Variants in TNS3 observed in about 807,000 individuals in gnomAD.
TNS3 encodes tensin 3.
Under a neutral mutation model 140.9 loss-of-function variants are expected in TNS3, and 45 were observed. The ratio of observed to expected loss-of-function variants is 0.32; its 90% CI spans 0.25 to 0.41. TNS3 has a LOEUF of 0.41. Among genes scored for constraint, TNS3 ranks in the 10% least tolerant of loss-of-function variants. The pLI, the probability that TNS3 is intolerant of heterozygous loss-of-function variation, is 1.00. For synonymous variants in TNS3, 815 were observed against 788.4 expected, an observed-to-expected ratio of 1.03 and a Z score of -0.56; for missense variants, 1,716 against 1,906.7, an observed-to-expected ratio of 0.90 and a Z score of 1.86.
intron 1 of TNS3, among the ~76,000 whole-genome samples, chr7:47,576,626 C>A (rs1030738817): frequency 6.6e-6 from 1 of 152,190 alleles, no homozygotes; most frequent in African/African-American, 2.4e-5. Context: ...GCCAGCCCGG[C>A]GCTCCAGGGA....
intron 3 of TNS3, among the ~76,000 whole-genome samples, chr7:47,483,583 C>T (rs1323083306): frequency 6.6e-6 from 1 of 152,218 alleles, no homozygotes; most frequent in Admixed American, 6.5e-5. Context: ...AAAGAAAAGC[C>T]TTGTGCAATG....
chr7:47,528,910 C>T (rs1415837839), intron 2 of TNS3, 126 bp downstream of exon 2: 5 of 436,698 alleles, frequency 1.1e-5, no homozygotes, highest in Non-Finnish European at 1.9e-5. Flanking sequence ...GGTTGGGGGA[C>T]ATATAAACTA....
In TNS3 at chr7:47,302,208, C is replaced by T. The variant is rs779371952; in HGVS notation, c.3522G>A (p.Lys1174=). The stretch of plus-strand genomic sequence containing the variant: ...TACCTTGTTCTCTTGAAATATCCGC[C>T]TTGTACCAGAACTTGGAAGTGTCTT... The part of the protein sequence containing the change: ...FVQDTSKFWY[K]ADISREQAIA... The change falls in exon 23 of 31, where the codon AAG becomes AAA. Residue 1174 remains lysine, a synonymous_variant. Transcript: ENST00000311160. 113 of 1,614,120 alleles carry T rather than the reference C, an allele frequency of 7.0e-5. No homozygotes were observed. Among genetic ancestry groups the T allele is most frequent in the Non-Finnish European group, 9.4e-5 (111 of 1,180,024 alleles).
chr7:47,489,993 A>G (rs543458375), intron 3 of TNS3, among the ~76,000 whole-genome samples: 1 of 152,340 alleles, frequency 6.6e-6, no homozygotes, highest in East Asian at 1.9e-4. Flanking sequence ...CAAAAAGAGA[A>G]AGAGGACATC....
intron 20 of TNS3, among the ~76,000 whole-genome samples, chr7:47,342,818 A>G (rs973622532): frequency 1.3e-5 from 2 of 152,208 alleles, no homozygotes; most frequent in Admixed American, 6.5e-5. Flanking sequence ...TACCTCTGTT[A>G]TTACTGTGCC....
chr7:47,517,216 C>A (rs1302287322), intron 2 of TNS3, among the ~76,000 whole-genome samples: 1 of 152,162 alleles, frequency 6.6e-6, no homozygotes, highest in Admixed American at 6.5e-5. Context: ...ACAAGAACGC[C>A]CAACCTTGCA....
intron 13 of TNS3, chr7:47,405,417 A>C: frequency 5.9e-6 from 4 of 678,646 alleles, no homozygotes; most frequent in Non-Finnish European, 8.1e-6. Context: ...AATGAGTTAC[A>C]ACCGCATATT....
chr7:47,557,884 A>G (rs1413555613), intron 1 of TNS3, among the ~76,000 whole-genome samples: 1 of 152,232 alleles, frequency 6.6e-6, no homozygotes, highest in Non-Finnish European at 1.5e-5. Context: ...TGTGTCATGG[A>G]ATTCTCCAGA....
intron 16 of TNS3, among the ~76,000 whole-genome samples, chr7:47,371,188 C>G (rs1791053824): frequency 6.6e-6 from 1 of 152,036 alleles, no homozygotes; most frequent in African/African-American, 2.4e-5. Flanking sequence ...GAAAATAAAC[C>G]AAGGCTTCAA....
At chr7:47,557,001 C>A (rs1462278785) in intron 1 of TNS3, 1 of 456,020 alleles carries the variant, frequency 2.2e-6, no homozygotes, top group African/African-American at 2.0e-5. Flanking sequence ...AGACGATAAC[C>A]AGGAGCAGCG....
intron 8 of TNS3, among the ~76,000 whole-genome samples, chr7:47,430,929 G>A (rs777835581): frequency 6.6e-6 from 1 of 151,858 alleles, no homozygotes; most frequent in Non-Finnish European, 1.5e-5. Context: ...TGCCATGTTG[G>A]CCAGGCTGGT....
At chr7:47,444,879 C>T (rs1178444468) in intron 4 of TNS3, among the ~76,000 whole-genome samples, 1 of 152,150 alleles carries the variant, frequency 6.6e-6, no homozygotes, top group Non-Finnish European at 1.5e-5. Flanking sequence ...GTGCTATCAC[C>T]ACAGGGAGGC....
intron 1 of TNS3, among the ~76,000 whole-genome samples, chr7:47,552,113 T>C (rs1800080612): frequency 6.6e-6 from 1 of 151,486 alleles, no homozygotes; most frequent in South Asian, 2.1e-4. Context: ...AATTCATTTC[T>C]TTTTTTTTCA....
Position 47,276,098 on chromosome 7 carries a change from C to T in TNS3, c.*1978G>A, listed in dbSNP as rs1001244220. 1.8e-5 allele frequency: 5 copies of T among 276,470 alleles called. No individual in the cohort carries two copies. Among genetic ancestry groups the T allele is most frequent in the African/African-American group, 8.9e-5 (4 of 44,792 alleles). The allele number at this position is 276,470 out of a possible 1,614,324, so 17.1% of individuals were successfully genotyped here. On this transcript the variant is annotated 3_prime_UTR_variant, in exon 31 of 31. Transcript: ENST00000311160. ...CACATTCCTGCAGTGGATGAAAAAC[C>T]GAGATGCTAGAGGCCTCTGCTAAAG... is the stretch of plus-strand genomic sequence containing the variant.
intron 3 of TNS3, among the ~76,000 whole-genome samples, chr7:47,505,476 C>T (rs901750223): frequency 2.0e-5 from 3 of 152,146 alleles, no homozygotes; most frequent in East Asian, 1.9e-4. Context: ...AGAGGAGAAG[C>T]GCTCCACACA....
At chr7:47,420,468 A>G (rs1349178589) in intron 10 of TNS3, among the ~76,000 whole-genome samples, 7 of 152,184 alleles carry the variant, frequency 4.6e-5, no homozygotes. Flanking sequence ...TTCTCAGGGT[A>G]CATCACCAGA....
intron 27 of TNS3, among the ~76,000 whole-genome samples, chr7:47,285,807 C>T (rs1785389941): frequency 6.6e-6 from 1 of 152,126 alleles, no homozygotes; most frequent in South Asian, 2.1e-4. Context: ...TGGGAAAAAC[C>T]AGAAACACAT....
chr7:47,411,754 C>T lies in TNS3; in HGVS notation c.696G>A (p.Pro232=), dbSNP rs762510715. The T allele has an allele frequency of 4.3e-6, 7 of 1,612,900 alleles. No homozygotes were observed. Among genetic ancestry groups the T allele is most frequent in the African/African-American group, 2.7e-5 (2 of 74,986 alleles). ...NPSRICIVIE[P]AQLLKGDVMV... ...TGACATCTCCCTTCAGAAGCTGGGC[C>T]GGCTCGATGACGATGCAGATCCTGC... is the stretch of plus-strand genomic sequence containing the variant. The change falls in exon 13 of 31, where the codon CCG becomes CCA. Residue 232 remains proline (P), a synonymous_variant. Coordinates refer to ENST00000311160, the MANE Select transcript of TNS3 (RefSeq NM_022748.12).
chr7:47,353,676 T>C (rs534024857), intron 17 of TNS3, among the ~76,000 whole-genome samples: 15 of 152,250 alleles, frequency 9.9e-5, no homozygotes, highest in Admixed American at 5.2e-4. Flanking sequence ...ACACTTCACA[T>C]CAATGTGAAA....
Sources: gnomAD v4.1 joint callset for allele counts (sites outside exome capture counted in the v4.1 genomes callset) on GRCh38, gnomAD v4.1.1 for gene constraint, MANE v1.5 for transcripts, NCBI Gene and HGNC (gene_info 2026-07-23, HGNC 2026-07-21) for gene names.